Variants in CUX2 observed in about 807,000 individuals in gnomAD.
CUX2 encodes the protein cut like homeobox 2, also known as homeobox protein cut-like 2.
A neutral mutation model predicts 144.8 loss-of-function variants in CUX2; 40 were observed. The ratio of observed to expected loss-of-function variants is 0.28; its 90% CI spans 0.21 to 0.36. The LOEUF is 0.36. CUX2 is among the 10% of genes least tolerant of loss of function. CUX2 has a pLI of 1.00. For synonymous variants in CUX2, 827 were observed against 875.6 expected (o/e 0.94, Z 0.98); for missense variants, 1,615 against 1,994.0 (o/e 0.81, Z 3.62).
intron 1 of CUX2, among the ~76,000 whole-genome samples, chr12:111,036,465 A>T (rs1869451431): frequency 1.3e-5 from 2 of 152,196 alleles, no homozygotes; most frequent in South Asian, 4.1e-4. Context: ...TCTTGATTCC[A>T]GCTGGACGCC....
In CUX2 at chr12:111,054,922, C is replaced by T. The variant is rs968055771; in HGVS notation, c.63+20682C>T. 2.6e-5 allele frequency among the ~76,000 whole-genome samples: 4 copies of T among 152,176 alleles called. No individual in the cohort carries two copies. The East Asian group carries it at 5.8e-4, about 22-fold the overall frequency. On this transcript the variant is annotated intron_variant, in intron 1 of 21. Transcript: ENST00000261726. ...GATTACAGGCATGAGCCACCACACCCGGCCCTAGACACTCTTAATATTCCC... is the reference window on the plus strand; with the variant it reads ...GATTACAGGCATGAGCCACCACACCTGGCCCTAGACACTCTTAATATTCCC...
chr12:111,250,851 A>G (rs1883527334), intron 3 of CUX2, among the ~76,000 whole-genome samples: 1 of 152,216 alleles, frequency 6.6e-6, no homozygotes, highest in Non-Finnish European at 1.5e-5. Flanking sequence ...GATGCTTCCC[A>G]GAGCCCATGA....
In CUX2 at chr12:111,308,339, TG is replaced by T. The variant is rs1280216400; in HGVS notation, c.1158+7del. On this transcript the variant is annotated splice_region_variant and intron_variant, in intron 13 of 21. Transcript: ENST00000261726. ...GCACCTGCAGCCTCCCCCAGGTAAG[TG>T]TCCCTGCCACCATCCCTGCAGGGCA... 6.2e-7 allele frequency: 1 copy of T among 1,614,022 alleles called. No homozygotes were observed. The highest frequency in any genetic ancestry group is 2.2e-5 in the East Asian group (1 of 44,876).
At chr12:111,167,019 C>G (rs1371252840) in intron 1 of CUX2, among the ~76,000 whole-genome samples, 1 of 152,070 alleles carries the variant, frequency 6.6e-6, no homozygotes, top group Non-Finnish European at 1.5e-5. Context: ...CAGGGCAGGG[C>G]GGGGGCTCTG....
At position 111,293,613 on chromosome 12, in the gene CUX2, G is replaced by C. The variant is rs1885811080; in HGVS notation, c.560+44G>C. On this transcript the variant is annotated intron_variant, in intron 6 of 21. Coordinates refer to ENST00000261726, the MANE Select transcript of CUX2 (RefSeq NM_015267.4). The surrounding 1 kb of genome is among the most constrained non-coding windows in gnomAD (Gnocchi z 4.5). Reference sequence around the variant, plus strand: ...GTGGGAGGGAGGAAGGAATGGGCAGGGCTCCTGCTGCCCCACCTGGCTGGG... The same window carrying C: ...GTGGGAGGGAGGAAGGAATGGGCAGCGCTCCTGCTGCCCCACCTGGCTGGG... 1.3e-6 allele frequency: 2 copies of C among 1,543,848 alleles called. No individual in the cohort carries two copies. The highest frequency in any genetic ancestry group is 2.7e-5 in the African/African-American group (2 of 73,316).
intron 1 of CUX2, among the ~76,000 whole-genome samples, chr12:111,065,058 A>G (rs1870963568): frequency 6.6e-6 from 1 of 152,162 alleles, no homozygotes; most frequent in African/African-American, 2.4e-5. Flanking sequence ...TCTATGGTAG[A>G]CCAGTTCCCC....
In CUX2 at chr12:111,320,602, C is replaced by G; in HGVS notation, c.2593C>G (p.Leu865Val). ...CGCGACGGCCGAGGCGGGCGCGCGG[C>G]TGCCCTACTACCCGGCCTACGTGCC... is the stretch of plus-strand genomic sequence containing the variant. ...EGATAEAGAR[L>V]PYYPAYVPRT... Residue 865 changes from leucine (L) to valine (V), a missense_variant, in exon 17 of 22, where the codon CTG becomes GTG. Physicochemically the swap from Leu to Val is conservative, Grantham distance 32. Transcript: ENST00000261726. The surrounding 1 kb of genome is among the most constrained non-coding windows in gnomAD (Gnocchi z 8.1). 1 of 1,550,546 alleles carries G rather than the reference C, an allele frequency of 6.4e-7. No homozygotes were observed.
rs772400844 is a variant in CUX2, at chr12:111,310,212, C to A, written c.1430C>A (p.Ser477Ter). Reference protein sequence around the residue: ...SLGPDGTRTFSLSPFPSLASG... With the variant: ...SLGPDGTRTF ...GGGCCTGACGGCACTCGGACTTTCTCGCTGTCCCCCTTCCCCAGCCTGGCA... is the reference window on the plus strand; with the variant it reads ...GGGCCTGACGGCACTCGGACTTTCTAGCTGTCCCCCTTCCCCAGCCTGGCA... The change falls in exon 15 of 22, where the codon TCG becomes TAG. Residue 477 changes from serine to a stop codon, truncating the protein, a stop_gained. Transcript: ENST00000261726. LOFTEE classifies it high-confidence loss of function. The surrounding 1 kb of genome is among the most constrained non-coding windows in gnomAD (Gnocchi z 7.9). 2 of 1,515,022 alleles carry A rather than the reference C, an allele frequency of 1.3e-6. No individual in the cohort carries two copies. Among genetic ancestry groups the A allele is most frequent in the Non-Finnish European group, 1.8e-6 (2 of 1,132,100 alleles). The allele number at this position is 1,515,022 out of a possible 1,614,324, so 93.8% of individuals were successfully genotyped here. A position where few individuals can be genotyped will look rare whatever the true frequency, so the allele number is the denominator to read the frequency against.
Position 111,306,943 on chromosome 12 carries a change from G to A in CUX2, c.881G>A (p.Cys294Tyr). The A allele has an allele frequency of 3.1e-6, 5 of 1,611,450 alleles. No homozygotes were observed. Among genetic ancestry groups the A allele is most frequent in the Non-Finnish European group, 3.4e-6 (4 of 1,178,600 alleles). ...CAGGATAAGGTGAACTTCACTCTGT[G>A]CTCGGGCCCTCGGCTGGAGGCCGCG... ...PSGDKVNFTL[C>Y]SGPRLEAALA... The change falls in exon 11 of 22, where the codon TGC becomes TAC. Residue 294 changes from cysteine (C) to tyrosine (Y), a missense_variant. Around this residue, in one of 12 missense-constraint regions of CUX2, gnomAD observed 295 missense variants for 400.2 expected, o/e 0.74. Coordinates refer to ENST00000261726, the MANE Select transcript of CUX2 (RefSeq NM_015267.4).
chr12:111,300,147 G>T (rs1182132373), intron 9 of CUX2, among the ~76,000 whole-genome samples: 6 of 152,126 alleles, frequency 3.9e-5, no homozygotes, highest in African/African-American at 1.4e-4. Context: ...GACAGGCAGG[G>T]TCTCACTTTG....
At chr12:111,283,212 T>C (rs1327970091) in intron 4 of CUX2, among the ~76,000 whole-genome samples, 1 of 148,244 alleles carries the variant, frequency 6.7e-6, no homozygotes, top group African/African-American at 2.6e-5. Context: ...AGTGAGACTC[T>C]TGTCTTAAAA....
At chr12:111,346,368 C>T (rs548574529) in intron 21 of CUX2, among the ~76,000 whole-genome samples, 4 of 150,158 alleles carry the variant, frequency 2.7e-5, no homozygotes, top group South Asian at 2.1e-4. Flanking sequence ...CCCAGTTGCT[C>T]GGGAAGCTGA....
chr12:111,271,582 A>G (rs1884651647), intron 4 of CUX2, among the ~76,000 whole-genome samples: 1 of 152,202 alleles, frequency 6.6e-6, no homozygotes, highest in Non-Finnish European at 1.5e-5. Context: ...ACTGTGCTGT[A>G]CCAAGAAGAA....
In CUX2 at chr12:111,034,491, G is replaced by A. The variant is rs1242120919; in HGVS notation, c.63+251G>A. 6.6e-6 allele frequency among the ~76,000 whole-genome samples: 1 copy of A among 151,702 alleles called. No individual in the cohort carries two copies. Among genetic ancestry groups the A allele is most frequent in the African/African-American group, 2.4e-5 (1 of 41,388 alleles). On this transcript the variant is annotated intron_variant, in intron 1 of 21. Transcript: ENST00000261726. This position sits in a 1 kb window ranked among gnomAD's most constrained non-coding sequence, Gnocchi z 4.2. The stretch of plus-strand genomic sequence containing the variant: ...GAGAAGCGCTAGTGAGCCCTCGGTC[G>A]GCGGAGCGGCCGAGCGGCCAGGCGG...
chr12:111,127,617 C>G (rs1189366689), intron 1 of CUX2, among the ~76,000 whole-genome samples: 2 of 152,196 alleles, frequency 1.3e-5, no homozygotes, highest in East Asian at 3.8e-4. Flanking sequence ...GGAACTAAGA[C>G]CTCTAGACCA....
chr12:111,326,500 G>C (rs896993485), intron 18 of CUX2, among the ~76,000 whole-genome samples: 1 of 151,856 alleles, frequency 6.6e-6, no homozygotes, highest in South Asian at 2.1e-4. Context: ...GGAGGGGGTT[G>C]GTTTTTGGTT....
intron 1 of CUX2, among the ~76,000 whole-genome samples, chr12:111,102,634 C>T (rs1450280903): frequency 2.0e-5 from 3 of 152,188 alleles, no homozygotes; most frequent in African/African-American, 7.2e-5. Context: ...GTAGAAACCC[C>T]TCAAAGTAAA....
rs192182654 is a variant in CUX2 at position 111,205,381 on chromosome 12, C to A, written c.64-8819C>A. On this transcript the variant is annotated intron_variant, in intron 1 of 21. Coordinates refer to ENST00000261726, the MANE Select transcript of CUX2 (RefSeq NM_015267.4). ...GAAGGACCTCCATGGGCCCAAGATGCAGAATAGGACATTTGCTCCCACAAA... is the reference window on the plus strand; with the variant it reads ...GAAGGACCTCCATGGGCCCAAGATGAAGAATAGGACATTTGCTCCCACAAA... Among the ~76,000 whole-genome samples, 16 of 152,304 alleles carry A rather than the reference C, an allele frequency of 1.1e-4. No individual in the cohort carries two copies. In the East Asian group the frequency reaches 2.9e-3, roughly 28 times the overall value.
chr12:111,115,954 TA>T (rs1874275267), intron 1 of CUX2, among the ~76,000 whole-genome samples: 1 of 152,186 alleles, frequency 6.6e-6, no homozygotes, highest in African/African-American at 2.4e-5. Context: ...TTCTTTGACA[TA>T]GATCTGAGAA....
Sources: allele counts gnomAD v4.1 joint callset (sites outside exome capture counted in the v4.1 genomes callset), GRCh38; gene constraint gnomAD v4.1.1; regional missense constraint gnomAD v4.1.1; non-coding constraint Gnocchi (gnomAD v3.1); transcripts MANE v1.5; gene names NCBI Gene and HGNC (gene_info 2026-07-23, HGNC 2026-07-21).